Variants in KIF5A observed in about 807,000 individuals in gnomAD.
The protein encoded by KIF5A is kinesin heavy chain isoform 5A.
In KIF5A, 35 loss-of-function variants were observed where a neutral mutation model predicts 141.3. The observed-to-expected ratio is 0.25, with a 90% confidence interval of 0.19 to 0.33. KIF5A has a LOEUF of 0.33. Among genes scored for constraint, KIF5A ranks in the 10% least tolerant of loss-of-function variants. The pLI is 1.00. For missense variants in KIF5A, 861 were observed against 1,314.3 expected, an observed-to-expected ratio of 0.66 and a Z score of 5.33; for synonymous variants, 448 against 500.2, an observed-to-expected ratio of 0.90 and a Z score of 1.39.
rs771110600 is a variant in KIF5A, at chr12:57,581,512, C to T, written c.2853C>T (p.Phe951=). 1.2e-6 allele frequency: 2 copies of T among 1,614,158 alleles called. No homozygotes were observed. The highest frequency in any genetic ancestry group is 2.2e-5 in the South Asian group (2 of 91,086). ...GCATCAGTTACACCAACAGCCTCTT[C>T]CAGAACTACCAGAATCTCTACCTGC... ...PECISYTNSL[F]QNYQNLYLQA... Residue 951 remains phenylalanine, a synonymous_variant, in exon 25 of 29, where the codon TTC becomes TTT. Transcript: ENST00000455537.
chr12:57,577,395 G>A (rs1472769694), intron 20 of KIF5A, among the ~76,000 whole-genome samples: 11 of 152,120 alleles, frequency 7.2e-5, no homozygotes, highest in Non-Finnish European at 1.2e-4. Flanking sequence ...AGTAGTTCGA[G>A]ACCAGCCTGG....
At chr12:57,554,097 G>T in intron 1 of KIF5A, among the ~76,000 whole-genome samples, 1 of 151,686 alleles carries the variant, frequency 6.6e-6, no homozygotes, top group Non-Finnish European at 1.5e-5. Flanking sequence ...GAGGAGGGGG[G>T]ATATGGAGTA....
chr12:57,566,429 A>G (rs1376805776), intron 6 of KIF5A, among the ~76,000 whole-genome samples: 1 of 145,860 alleles, frequency 6.9e-6, no homozygotes, highest in Non-Finnish European at 1.5e-5. Flanking sequence ...TTTTTTTGAG[A>G]CAGAGTTTCT....
chr12:57,570,509 C>T (rs1882218175), intron 12 of KIF5A, among the ~76,000 whole-genome samples: 1 of 152,162 alleles, frequency 6.6e-6, no homozygotes, highest in African/African-American at 2.4e-5. Flanking sequence ...AGTGATTCTC[C>T]TGCCTCAGCC....
In KIF5A at chr12:57,581,496, A is replaced by G. The variant is rs201359295; in HGVS notation, c.2837A>G (p.Tyr946Cys). Residue 946 changes from tyrosine (Y) to cysteine (C), a missense_variant, in exon 25 of 29, where the codon TAC (tyrosine) becomes TGC (cysteine). Coordinates refer to ENST00000455537, the MANE Select transcript of KIF5A (RefSeq NM_004984.4). ...YGTRSPECIS[Y>C]TNSLFQNYQN... ...ACCCGGAGCCCTGAGTGCATCAGTT[A>G]CACCAACAGCCTCTTCCAGAACTAC... The G allele has an allele frequency of 6.2e-7, 1 of 1,614,046 alleles. No homozygotes were observed.
intron 10 of KIF5A, 39 bp from the exon 11 acceptor site, chr12:57,569,496 T>C (rs767935879): frequency 8.7e-6 from 14 of 1,613,842 alleles, no homozygotes; most frequent in Non-Finnish European, 1.1e-5. Flanking sequence ...CCAAGTCTCA[T>C]GTTGCTCTCA....
chr12:57,569,868 C>T, intron 11 of KIF5A, 119 bp from the exon 12 acceptor site: 1 of 1,404,148 alleles, frequency 7.1e-7, no homozygotes, highest in South Asian at 1.4e-5. Flanking sequence ...TCCCATACTC[C>T]CAAAAGGTAG....
chr12:57,562,039 A>G (rs1019576799), intron 1 of KIF5A, among the ~76,000 whole-genome samples: 4 of 152,230 alleles, frequency 2.6e-5, no homozygotes, highest in African/African-American at 9.6e-5. Flanking sequence ...GAGAACAAGC[A>G]TTGTCTCATT....
intron 3 of KIF5A, 60 bp from the exon 4 acceptor site, chr12:57,564,047 AT>A: frequency 8.4e-7 from 1 of 1,195,134 alleles, no homozygotes; most frequent in East Asian, 2.3e-5. Flanking sequence ...ACCTGCATAC[AT>A]CTGAGTTGTC....
intron 23 of KIF5A, among the ~76,000 whole-genome samples, chr12:57,580,283 T>C (rs1367678047): frequency 6.6e-6 from 1 of 152,216 alleles, no homozygotes; most frequent in African/African-American, 2.4e-5. Context: ...GTTGCTCCCA[T>C]GCTCTAGCTT....
intron 4 of KIF5A, 118 bp from the exon 5 acceptor site, chr12:57,564,342 T>C: frequency 1.9e-6 from 2 of 1,072,438 alleles, no homozygotes; most frequent in Non-Finnish European, 2.9e-6. Flanking sequence ...TGTCAAGATG[T>C]TCTCTTCTGT....
At chr12:57,579,025 C>T (rs1303814051) in intron 23 of KIF5A, among the ~76,000 whole-genome samples, 1 of 152,080 alleles carries the variant, frequency 6.6e-6, no homozygotes, top group African/African-American at 2.4e-5. Context: ...GATCATGCCA[C>T]TGCACTCCAG....
intron 20 of KIF5A, among the ~76,000 whole-genome samples, chr12:57,577,335 C>T (rs1019510757): frequency 6.6e-6 from 1 of 152,146 alleles, no homozygotes; most frequent in African/African-American, 2.4e-5. Context: ...TGGCTTACAC[C>T]TATAATCTCA....
At chr12:57,563,042 C>G (rs1881957618) in intron 1 of KIF5A, among the ~76,000 whole-genome samples, 1 of 149,794 alleles carries the variant, frequency 6.7e-6, no homozygotes, top group African/African-American at 2.5e-5. Context: ...GAGTCTCGCT[C>G]TATCGCCAGG....
intron 6 of KIF5A, 141 bp downstream of exon 6, chr12:57,565,114 G>A (rs926411248): frequency 1.7e-5 from 13 of 770,946 alleles, no homozygotes; most frequent in Non-Finnish European, 2.9e-5. Flanking sequence ...GGAGAGTCTA[G>A]GGGATCAGAA....
In KIF5A at chr12:57,572,324, G is replaced by T. The variant is rs1882281768; in HGVS notation, c.1569+57G>T. 6.6e-7 allele frequency: 1 copy of T among 1,521,086 alleles called. No individual in the cohort carries two copies. Among genetic ancestry groups the T allele is most frequent in the Non-Finnish European group, 8.9e-7 (1 of 1,119,018 alleles). The allele number at this position is 1,521,086 out of a possible 1,614,324, so 94.2% of individuals were successfully genotyped here. A position where few individuals can be genotyped will look rare whatever the true frequency, so the allele number is the denominator to read the frequency against. On this transcript the variant is annotated intron_variant, in intron 14 of 28. Transcript: ENST00000455537. The surrounding 1 kb of genome is among the most constrained non-coding windows in gnomAD (Gnocchi z 4.2). ...CTGACCACAGAACATCTCCCATGTC[G>T]AGGGGACCTCTGCATCCTTCCAGGG...
At chr12:57,561,097 T>G (rs930036363) in intron 1 of KIF5A, among the ~76,000 whole-genome samples, 1 of 152,158 alleles carries the variant, frequency 6.6e-6, no homozygotes, top group African/African-American at 2.4e-5. Context: ...TGGAGTGCAG[T>G]GGCCCGATCT....
chr12:57,556,913 G>C (rs1382685422), intron 1 of KIF5A, among the ~76,000 whole-genome samples: 4 of 152,012 alleles, frequency 2.6e-5, no homozygotes, highest in Non-Finnish European at 5.9e-5. Flanking sequence ...GCCTTTCCCA[G>C]TCCACTGACT....
At chr12:57,555,451 C>T (rs1488277569) in intron 1 of KIF5A, among the ~76,000 whole-genome samples, 1 of 152,100 alleles carries the variant, frequency 6.6e-6, no homozygotes, top group Non-Finnish European at 1.5e-5. Flanking sequence ...CTTAGCCGAG[C>T]ATGGTGGTGG....
Sources: allele counts gnomAD v4.1 joint callset (sites outside exome capture counted in the v4.1 genomes callset), GRCh38; gene constraint gnomAD v4.1.1; non-coding constraint Gnocchi (gnomAD v3.1); transcripts MANE v1.5; gene names NCBI Gene and HGNC (gene_info 2026-07-23, HGNC 2026-07-21).